SLC24A3: variants seen among roughly 807,000 people sequenced by gnomAD.
SLC24A3 encodes sodium/potassium/calcium exchanger 3.
SLC24A3 carries 28 observed loss-of-function variants against 75.8 expected under a neutral mutation model. The ratio of observed to expected loss-of-function variants is 0.37; its 90% CI spans 0.27 to 0.51. The LOEUF is 0.51. Ranked by LOEUF, SLC24A3 falls within the 20% of genes least tolerant of loss-of-function variation. The pLI is 0.94. For synonymous variants in SLC24A3, 372 were observed against 334.1 expected (o/e 1.11, Z -1.24); for missense variants, 663 against 847.8 (o/e 0.78, Z 2.71).
At chr20:19,251,432 C>T (rs1600393677) in intron 1 of SLC24A3, among the ~76,000 whole-genome samples, 1 of 152,198 alleles carries the variant, frequency 6.6e-6, no homozygotes, top group Non-Finnish European at 1.5e-5. Context: ...CCTCTAGAAG[C>T]ACACACTCAG....
At chr20:19,659,079 A>C (rs959207823) in intron 7 of SLC24A3, among the ~76,000 whole-genome samples, 9 of 152,334 alleles carry the variant, frequency 5.9e-5, no homozygotes, top group African/African-American at 2.2e-4. Context: ...GACTGTGAAC[A>C]TGGAGAGGAG....
intron 1 of SLC24A3, among the ~76,000 whole-genome samples, chr20:19,263,749 T>G (rs557151061): frequency 6.6e-6 from 1 of 152,182 alleles, no homozygotes; most frequent in African/African-American, 2.4e-5. Context: ...TGGTTTCAGT[T>G]CCAACTTGGA....
intron 1 of SLC24A3, among the ~76,000 whole-genome samples, chr20:19,225,665 C>T (rs537563996): frequency 6.6e-5 from 10 of 152,182 alleles, no homozygotes; most frequent in Admixed American, 2.0e-4. Flanking sequence ...TTTTTGAGAA[C>T]GTCATAGATG....
intron 15 of SLC24A3, among the ~76,000 whole-genome samples, chr20:19,701,898 C>T (rs2032878787): frequency 6.6e-6 from 1 of 152,190 alleles, no homozygotes; most frequent in Admixed American, 6.5e-5. Context: ...ACCAGGATGA[C>T]TCTCCAGTGA....
chr20:19,516,513 C>A (rs1023690845), intron 3 of SLC24A3, among the ~76,000 whole-genome samples: 12 of 152,368 alleles, frequency 7.9e-5, no homozygotes, highest in African/African-American at 2.6e-4. Flanking sequence ...GGGAATGCTG[C>A]TCCACGGAAT....
intron 11 of SLC24A3, 71 bp from the exon 12 acceptor site, chr20:19,685,029 A>T: frequency 6.6e-7 from 1 of 1,510,132 alleles, no homozygotes; most frequent in Non-Finnish European, 8.9e-7. Context: ...AGATCCCAAC[A>T]GCTCATGTTC....
intron 2 of SLC24A3, among the ~76,000 whole-genome samples, chr20:19,362,985 C>T (rs1985819028): frequency 6.6e-6 from 1 of 152,198 alleles, no homozygotes; most frequent in African/African-American, 2.4e-5. Context: ...TTTGGGCTTC[C>T]CATGTGTCGC....
At chr20:19,249,318 A>G (rs1982583304) in intron 1 of SLC24A3, among the ~76,000 whole-genome samples, 1 of 152,202 alleles carries the variant, frequency 6.6e-6, no homozygotes, top group South Asian at 2.1e-4. Flanking sequence ...AGTTTGGCTC[A>G]GCTTCCAACA....
chr20:19,498,480 A>T (rs1020598704), intron 2 of SLC24A3, among the ~76,000 whole-genome samples: 1 of 147,928 alleles, frequency 6.8e-6, no homozygotes, highest in African/African-American at 2.5e-5. Flanking sequence ...GTCCACCTGG[A>T]CTGCCTCCTG....
intron 6 of SLC24A3, among the ~76,000 whole-genome samples, chr20:19,603,877 G>C (rs1050981479): frequency 2.6e-5 from 4 of 152,262 alleles, no homozygotes; most frequent in African/African-American, 9.6e-5. Context: ...ACTGAGCAAT[G>C]GTAGCCTCTG....
intron 2 of SLC24A3, among the ~76,000 whole-genome samples, chr20:19,389,014 T>G (rs1039348791): frequency 6.6e-6 from 1 of 152,142 alleles, no homozygotes; most frequent in Non-Finnish European, 1.5e-5. Flanking sequence ...GTGATTTATC[T>G]TTATTGTTAC....
chr20:19,337,603 T>G (rs2122302534), intron 2 of SLC24A3, among the ~76,000 whole-genome samples: 1 of 152,302 alleles, frequency 6.6e-6, no homozygotes, highest in East Asian at 1.9e-4. Context: ...TGGGGAAAGA[T>G]TCTCCATTTA....
At chr20:19,437,894 C>T (rs539623178) in intron 2 of SLC24A3, among the ~76,000 whole-genome samples, 1 of 152,246 alleles carries the variant, frequency 6.6e-6, no homozygotes, top group Non-Finnish European at 1.5e-5. Flanking sequence ...CAGAAAATTC[C>T]CCACCACCAT....
intron 2 of SLC24A3, among the ~76,000 whole-genome samples, chr20:19,282,809 G>A (rs1457439647): frequency 2.2e-4 from 34 of 152,302 alleles, no homozygotes; most frequent in Middle Eastern, 3.4e-3. Flanking sequence ...TGTTTTGGGG[G>A]CAGGTGGTTG....
chr20:19,510,749 C>T (rs774914575), intron 2 of SLC24A3, among the ~76,000 whole-genome samples: 9 of 152,216 alleles, frequency 5.9e-5, no homozygotes, highest in Non-Finnish European at 1.5e-5. Context: ...CATCAGAACC[C>T]AACCATGCTG....
intron 2 of SLC24A3, among the ~76,000 whole-genome samples, chr20:19,400,853 A>G (rs925843215): frequency 6.6e-6 from 1 of 151,990 alleles, no homozygotes; most frequent in Non-Finnish European, 1.5e-5. Flanking sequence ...CCTGATATCT[A>G]TTGTCTTGAA....
intron 3 of SLC24A3, among the ~76,000 whole-genome samples, chr20:19,518,321 A>G (rs917627074): frequency 1.3e-5 from 2 of 152,224 alleles, no homozygotes; most frequent in East Asian, 3.9e-4. Flanking sequence ...CTAGATGCTC[A>G]GGACATGGCT....
chr20:19,224,712 A>G (rs1219873367), intron 1 of SLC24A3, among the ~76,000 whole-genome samples: 5 of 152,202 alleles, frequency 3.3e-5, no homozygotes, highest in African/African-American at 1.2e-4. Context: ...CTTGGGGACC[A>G]TTGAATCTTA....
intron 2 of SLC24A3, among the ~76,000 whole-genome samples, chr20:19,513,804 A>AGATCTTTTGATAT (rs2029932019): frequency 6.6e-6 from 1 of 152,068 alleles, no homozygotes; most frequent in Admixed American, 6.6e-5. Flanking sequence ...TAAGGTATAC[A>AGATCTTTTGATAT]ACTTGATCTT....
Sources: allele counts gnomAD v4.1 joint callset (sites outside exome capture counted in the v4.1 genomes callset), GRCh38; gene constraint gnomAD v4.1.1; transcripts MANE v1.5; gene names NCBI Gene and HGNC (gene_info 2026-07-23, HGNC 2026-07-21).